Variants in SEMA3D observed in about 807,000 individuals in gnomAD.
The protein encoded by SEMA3D is semaphorin-3D.
SEMA3D carries 84 observed loss-of-function variants against 100.1 expected under a neutral mutation model. The observed-to-expected ratio is 0.84, with a 90% CI of 0.70 to 1.01. The LOEUF (loss-of-function observed/expected upper bound fraction) is 1.01, where lower values mean the gene tolerates loss of function less well. SEMA3D is among the 50% of genes least tolerant of loss of function. The pLI, the probability that SEMA3D is intolerant of heterozygous loss-of-function variation, is 0.00. For synonymous variants in SEMA3D, 312 were observed against 320.7 expected (o/e 0.97, Z 0.29); for missense variants, 875 against 934.1 (o/e 0.94, Z 0.82).
At chr7:85,028,808 C>G in intron 12 of SEMA3D, 1 of 214,796 alleles carries the variant, frequency 4.7e-6, no homozygotes, top group Admixed American at 4.7e-5. Flanking sequence ...TCAAACTAGA[C>G]AAACCACAGA....
intron 17 of SEMA3D, 26 bp downstream of exon 17, chr7:85,012,756 A>G (rs753977126): frequency 6.3e-7 from 1 of 1,575,946 alleles, no homozygotes. Context: ...TAAATGGGAG[A>G]AAAAGCATAT....
chr7:85,017,034 T>C (rs532185735), intron 15 of SEMA3D, among the ~76,000 whole-genome samples: 1 of 151,832 alleles, frequency 6.6e-6, no homozygotes, highest in Non-Finnish European at 1.5e-5. Context: ...TTTCTAGCCT[T>C]CCTGCCCTTT....
chr7:85,135,694 G>T (rs533909160), intron 2 of SEMA3D, among the ~76,000 whole-genome samples: 5 of 141,746 alleles, frequency 3.5e-5, no homozygotes, highest in African/African-American at 5.2e-5. Flanking sequence ...CATTAAAAAA[G>T]AAAAAATTAG....
intron 4 of SEMA3D, among the ~76,000 whole-genome samples, chr7:85,093,240 T>TCAAG: frequency 6.6e-6 from 1 of 152,054 alleles, no homozygotes; most frequent in Non-Finnish European, 1.5e-5. Flanking sequence ...TTCCTTCAAC[T>TCAAG]TGAGGTGACT....
At chr7:85,003,751 A>G (rs1562778784) in intron 18 of SEMA3D, among the ~76,000 whole-genome samples, 1 of 152,112 alleles carries the variant, frequency 6.6e-6, no homozygotes, top group Non-Finnish European at 1.5e-5. Flanking sequence ...ACCAAGACAC[A>G]TAAGAAGGTA....
chr7:85,156,589 A>G (rs999694888), intron 1 of SEMA3D, among the ~76,000 whole-genome samples: 16 of 152,184 alleles, frequency 1.1e-4, no homozygotes, highest in Non-Finnish European at 2.2e-4. Context: ...TGGTATTGAA[A>G]AATTTTAAGA....
intron 3 of SEMA3D, among the ~76,000 whole-genome samples, chr7:85,116,095 T>C (rs1280780537): frequency 1.3e-5 from 2 of 151,570 alleles, no homozygotes; most frequent in Admixed American, 6.6e-5. Context: ...TTATTTGTCA[T>C]GAATATGTTT....
chr7:85,037,930 C>T (rs1281341748), intron 11 of SEMA3D, among the ~76,000 whole-genome samples: 2 of 151,674 alleles, frequency 1.3e-5, no homozygotes, highest in African/African-American at 2.4e-5. Context: ...TTAGCATTTC[C>T]CACCTATGAG....
chr7:85,090,072 C>T (rs1788340571), intron 4 of SEMA3D, among the ~76,000 whole-genome samples: 1 of 152,168 alleles, frequency 6.6e-6, no homozygotes, highest in Admixed American at 6.5e-5. Flanking sequence ...TACTATTCAA[C>T]ACCTCTAATC....
the SEMA3D span, among the ~76,000 whole-genome samples, chr7:85,216,990 A>G: frequency 6.6e-6 from 1 of 152,086 alleles, no homozygotes; most frequent in Non-Finnish European, 1.5e-5. Flanking sequence ...TTTCTAATAC[A>G]AAGCATTTTA....
At chr7:85,119,595 C>T (rs1789348889) in intron 3 of SEMA3D, among the ~76,000 whole-genome samples, 1 of 152,040 alleles carries the variant, frequency 6.6e-6, no homozygotes, top group African/African-American at 2.4e-5. Context: ...ATAATACACC[C>T]TGGGGACTAT....
chr7:85,174,242 CT>C (rs1791163534), intron 1 of SEMA3D, among the ~76,000 whole-genome samples: 1 of 152,108 alleles, frequency 6.6e-6, no homozygotes, highest in African/African-American at 2.4e-5. Context: ...ATAAAGAATT[CT>C]TCTAAAATTG....
intron 12 of SEMA3D, among the ~76,000 whole-genome samples, chr7:85,024,919 A>G (rs1010729532): frequency 6.6e-6 from 1 of 152,050 alleles, no homozygotes; most frequent in Non-Finnish European, 1.5e-5. Flanking sequence ...GTATGTAGGT[A>G]AGAGTAAAGT....
At chr7:85,105,234 T>G (rs1380102796) in intron 3 of SEMA3D, among the ~76,000 whole-genome samples, 2 of 152,082 alleles carry the variant, frequency 1.3e-5, no homozygotes, top group Non-Finnish European at 2.9e-5. Context: ...CCAGGGCTTT[T>G]TATGCTGAGT....
At chr7:85,060,880 TA>T (rs1791460012) in intron 8 of SEMA3D, among the ~76,000 whole-genome samples, 1 of 152,166 alleles carries the variant, frequency 6.6e-6, no homozygotes, top group Admixed American at 6.5e-5. Flanking sequence ...AAAGAAAATT[TA>T]AAACAAAAGT....
At chr7:85,247,947 T>C in the SEMA3D span, among the ~76,000 whole-genome samples, 2 of 151,962 alleles carry the variant, frequency 1.3e-5, no homozygotes, top group East Asian at 3.9e-4. Context: ...TAGAAGATAA[T>C]TGAAGAGAAA....
chr7:85,129,002 C>T (rs898241283), intron 2 of SEMA3D, among the ~76,000 whole-genome samples: 1 of 150,384 alleles, frequency 6.6e-6, no homozygotes, highest in African/African-American at 2.4e-5. Context: ...AGTGATCCAC[C>T]TGCCTTGGCT....
the SEMA3D span, among the ~76,000 whole-genome samples, chr7:85,210,843 A>G: frequency 6.6e-6 from 1 of 152,040 alleles, no homozygotes; most frequent in Non-Finnish European, 1.5e-5. Flanking sequence ...TATTTGACTT[A>G]TTACTTACTA....
intron 4 of SEMA3D, among the ~76,000 whole-genome samples, chr7:85,082,193 T>G (rs1458653125): frequency 6.6e-6 from 1 of 152,182 alleles, no homozygotes; most frequent in Non-Finnish European, 1.5e-5. Flanking sequence ...AGCCTTTAAA[T>G]AACGTGTTGA....
Sources: allele counts gnomAD v4.1 joint callset (sites outside exome capture counted in the v4.1 genomes callset), GRCh38; gene constraint gnomAD v4.1.1; transcripts MANE v1.5; gene names NCBI Gene and HGNC (gene_info 2026-07-23, HGNC 2026-07-21).